KAT2B: variants seen among roughly 807,000 people sequenced by gnomAD.
KAT2B encodes lysine acetyltransferase 2B.
A neutral mutation model predicts 105.9 loss-of-function variants in KAT2B; 36 were observed. The ratio of observed to expected loss-of-function variants is 0.34; its 90% CI spans 0.26 to 0.45. The LOEUF (loss-of-function observed/expected upper bound fraction) is 0.45. KAT2B is among the 20% of genes least tolerant of loss of function. The pLI is 1.00. For synonymous variants in KAT2B, 397 were observed against 377.9 expected (o/e 1.05, Z -0.59); for missense variants, 820 against 1,021.6 (o/e 0.80, Z 2.69).
chr3:20,053,733 T>C (rs943985186), intron 1 of KAT2B, among the ~76,000 whole-genome samples: 3 of 152,232 alleles, frequency 2.0e-5, no homozygotes, highest in Non-Finnish European at 4.4e-5. Context: ...TGGCCCACTT[T>C]AAAGTCTACA....
chr3:20,109,726 A>G (rs1193175177), intron 5 of KAT2B, among the ~76,000 whole-genome samples: 1 of 152,206 alleles, frequency 6.6e-6, no homozygotes, highest in East Asian at 1.9e-4. Flanking sequence ...TGAATTACAA[A>G]ATAAATGCAC....
chr3:20,065,761 A>G (rs1177499847), intron 1 of KAT2B, among the ~76,000 whole-genome samples: 1 of 152,174 alleles, frequency 6.6e-6, no homozygotes, highest in Non-Finnish European at 1.5e-5. Flanking sequence ...ATATATCAAT[A>G]GGGTATAACT....
intron 1 of KAT2B, among the ~76,000 whole-genome samples, chr3:20,071,491 T>C (rs1188415447): frequency 1.3e-5 from 2 of 152,230 alleles, no homozygotes; most frequent in African/African-American, 4.8e-5. Context: ...ATGAAAGGTA[T>C]GAACCTTTCA....
chr3:20,148,029 G>A, intron 15 of KAT2B, 30 bp downstream of exon 15: 7 of 1,605,368 alleles, frequency 4.4e-6, no homozygotes, highest in Non-Finnish European at 6.0e-6. Context: ...GGATGTTAAT[G>A]GAAGTGATTT....
chr3:20,129,002 C>T lies in KAT2B; in HGVS notation c.1749+1453C>T, dbSNP rs571500589. Among the ~76,000 whole-genome samples, 41 of 104,940 alleles carry T rather than the reference C, an allele frequency of 3.9e-4. No homozygotes were observed. In the South Asian group the frequency reaches 0.014, roughly 35 times the overall value. The allele number at this position is 104,940 out of a possible 152,430, so 68.8% of individuals were successfully genotyped here. A position where few individuals can be genotyped will look rare whatever the true frequency, so the allele number is the denominator to read the frequency against. ...AGCCTGGGCAATGAGAGCGAAACTC[C>T]ATCTCAAAAAAAAAAAAAAAAAAAA... On this transcript the variant is annotated intron_variant, in intron 11 of 17. Coordinates refer to ENST00000263754, the MANE Select transcript of KAT2B (RefSeq NM_003884.5).
intron 8 of KAT2B, among the ~76,000 whole-genome samples, chr3:20,120,235 T>G (rs1699283622): frequency 6.6e-6 from 1 of 152,046 alleles, no homozygotes; most frequent in South Asian, 2.1e-4. Context: ...CCTTTTCTTT[T>G]CTTTTTATTT....
chr3:20,049,397 A>T (rs6805830), intron 1 of KAT2B, among the ~76,000 whole-genome samples: 34,968 of 152,014 alleles, frequency 0.23, 4,548 homozygotes, highest in African/African-American at 0.35. Flanking sequence ...CTACCCGGGG[A>T]AAGTGGAAGG....
chr3:20,143,778 G>T (rs1268141249), intron 13 of KAT2B, among the ~76,000 whole-genome samples: 3 of 152,074 alleles, frequency 2.0e-5, no homozygotes, highest in Non-Finnish European at 4.4e-5. Flanking sequence ...GATTAACACA[G>T]GAACAGAAAA....
intron 2 of KAT2B, among the ~76,000 whole-genome samples, chr3:20,084,394 A>C (rs992156987): frequency 1.3e-5 from 2 of 152,110 alleles, no homozygotes; most frequent in Non-Finnish European, 2.9e-5. Flanking sequence ...TTCTCAGAGT[A>C]AGAGCTATCC....
In KAT2B at chr3:20,066,907, G is replaced by A. The variant is rs537500824; in HGVS notation, c.304-5426G>A. ...TTAATACGAAGTCTTTGAAATTCAG[G>A]GTGTATTTTCAAACACTCATAACAC... On this transcript the variant is annotated intron_variant, in intron 1 of 17. Coordinates refer to ENST00000263754, the MANE Select transcript of KAT2B (RefSeq NM_003884.5). Among the ~76,000 whole-genome samples, 4 of 151,810 alleles carry A rather than the reference G, an allele frequency of 2.6e-5. No homozygotes were observed. The East Asian group carries it at 7.7e-4, about 29-fold the overall frequency.
intron 11 of KAT2B, among the ~76,000 whole-genome samples, chr3:20,132,719 A>T (rs1356104806): frequency 2.0e-5 from 3 of 152,254 alleles, no homozygotes; most frequent in African/African-American, 7.2e-5. Flanking sequence ...AATCTGGAAA[A>T]GATTTTTGGA....
At chr3:20,129,763 C>T (rs1419002405) in intron 11 of KAT2B, among the ~76,000 whole-genome samples, 1 of 152,170 alleles carries the variant, frequency 6.6e-6, no homozygotes, top group Non-Finnish European at 1.5e-5. Flanking sequence ...GCTTGATAGG[C>T]ACGTGTGGCC....
At chr3:20,141,311 A>T (rs1351689666) in intron 13 of KAT2B, among the ~76,000 whole-genome samples, 1 of 152,210 alleles carries the variant, frequency 6.6e-6, no homozygotes, top group Non-Finnish European at 1.5e-5. Context: ...AAAGAGAAGC[A>T]GTAAAAGGGA....
At chr3:20,091,899 A>G (rs1483358350) in intron 2 of KAT2B, among the ~76,000 whole-genome samples, 4 of 152,184 alleles carry the variant, frequency 2.6e-5, no homozygotes, top group African/African-American at 9.6e-5. Flanking sequence ...TTTTGCACCA[A>G]TCCAATACTT....
chr3:20,062,189 A>ATATGT (rs1391723055), intron 1 of KAT2B, among the ~76,000 whole-genome samples: 1 of 52,492 alleles, frequency 1.9e-5, no homozygotes, highest in Non-Finnish European at 3.4e-5. Flanking sequence ...ATAATATATA[A>ATATGT]AATATATATA....
chr3:20,086,794 A>ATT (rs11308672), intron 2 of KAT2B, among the ~76,000 whole-genome samples: 3 of 129,878 alleles, frequency 2.3e-5, no homozygotes, highest in Admixed American at 8.0e-5. Context: ...AAACAAATAG[A>ATT]TTTTTTTTTT....
At position 20,122,887 on chromosome 3, in the gene KAT2B, A is replaced by C. The variant is rs959825528; in HGVS notation, c.1413+83A>C. On this transcript the variant is annotated intron_variant, in intron 9 of 17. Coordinates refer to ENST00000263754, the MANE Select transcript of KAT2B (RefSeq NM_003884.5). ...TCCAGCTGTCAGAAGTGGGGATGCT[A>C]ATGCTGAGAGTTAACATGTTATGCT... 3.3e-6 allele frequency: 5 copies of C among 1,511,904 alleles called. No individual in the cohort carries two copies. In the African/African-American group the frequency reaches 6.9e-5, roughly 21 times the overall value. 93.7% of individuals were successfully genotyped at this position (1,511,904 alleles called of 1,614,324 possible). A position where few individuals can be genotyped will look rare whatever the true frequency, so the allele number is the denominator to read the frequency against.
At chr3:20,063,344 G>A (rs1434925640) in intron 1 of KAT2B, among the ~76,000 whole-genome samples, 4 of 150,784 alleles carry the variant, frequency 2.7e-5, no homozygotes, top group Non-Finnish European at 5.9e-5. Context: ...ACACCTGGCC[G>A]CCTGTGCTTT....
At chr3:20,049,869 A>G (rs1697884643) in intron 1 of KAT2B, among the ~76,000 whole-genome samples, 1 of 152,130 alleles carries the variant, frequency 6.6e-6, no homozygotes, top group South Asian at 2.1e-4. Flanking sequence ...GAAGGTGCCA[A>G]ATGTGTCAGA....
Sources: allele counts gnomAD v4.1 joint callset (sites outside exome capture counted in the v4.1 genomes callset), GRCh38; gene constraint gnomAD v4.1.1; transcripts MANE v1.5; gene names NCBI Gene and HGNC (gene_info 2026-07-23, HGNC 2026-07-21).